PHACTR2: variants seen among roughly 807,000 people sequenced by gnomAD.
PHACTR2 encodes the protein chromosome 6 open reading frame 56.
In PHACTR2, 30 loss-of-function variants were observed where a neutral mutation model predicts 76.0. The ratio of observed to expected loss-of-function variants is 0.39; its 90% CI spans 0.30 to 0.54. The LOEUF (loss-of-function observed/expected upper bound fraction) is 0.54, where lower values mean the gene tolerates loss of function less well. Among genes scored for constraint, PHACTR2 ranks in the 20% least tolerant of loss-of-function variants. The pLI is 0.61. For missense variants in PHACTR2, 696 were observed against 781.1 expected, an observed-to-expected ratio of 0.89 and a Z score of 1.30; for synonymous variants, 292 against 292.5, an observed-to-expected ratio of 1.00 and a Z score of 0.02.
chr6:143,550,682 G>C lies in PHACTR2; in HGVS notation c.217+13475G>C, dbSNP rs183588324. Among the ~76,000 whole-genome samples the C allele has an allele frequency of 7.7e-4, 117 of 152,060 alleles. 1 individual carries two copies. Among genetic ancestry groups the C allele is most frequent in the African/African-American group, 2.2e-3 (93 of 41,506 alleles). The stretch of plus-strand genomic sequence containing the variant: ...AAAAACCTCTAGTGTCCAGTGTCTA[G>C]AGGACTGTACAATTAAGAGGCGGGA... On this transcript the variant is annotated intron_variant, in intron 1 of 11. Coordinates refer to the PHACTR2 transcript ENST00000367584. This position sits in a 1 kb window ranked among gnomAD's most constrained non-coding sequence, Gnocchi z 4.8.
chr6:143,774,619 A>G lies in PHACTR2; in HGVS notation c.1589+404A>G, dbSNP rs1169561714. On this transcript the variant is annotated intron_variant, in intron 8 of 12. Coordinates refer to ENST00000440869, the MANE Select transcript of PHACTR2 (RefSeq NM_001100164.2). The surrounding 1 kb of genome is among the most constrained non-coding windows in gnomAD (Gnocchi z 5.4). ...TCATAAAGCTGGATTTGGCCTGCAGATCACAGTTTGCTCAACAATCCTGGC... is the reference window on the plus strand; with the variant it reads ...TCATAAAGCTGGATTTGGCCTGCAGGTCACAGTTTGCTCAACAATCCTGGC... 1.3e-5 allele frequency among the ~76,000 whole-genome samples: 2 copies of G among 152,224 alleles called. No individual in the cohort carries two copies. Among genetic ancestry groups the G allele is most frequent in the Non-Finnish European group, 2.9e-5 (2 of 68,044 alleles).
rs9403534 is a variant in PHACTR2 at position 143,816,175 on chromosome 6, A to G, written c.1923-7499A>G. 0.23 allele frequency among the ~76,000 whole-genome samples: 34,494 copies of G among 152,120 alleles called. 4,634 individuals are homozygous for G. The highest frequency in any genetic ancestry group is 0.37 in the South Asian group (1,774 of 4,804). On this transcript the variant is annotated intron_variant, in intron 12 of 12. Transcript: ENST00000440869. The surrounding 1 kb of genome is among the most constrained non-coding windows in gnomAD (Gnocchi z 4.5). The stretch of plus-strand genomic sequence containing the variant: ...AGTATCCTTAGGGCACAGTAAATCT[A>G]TTTATTCCTCCACCAACTTGAAGCC...
intron 1 of PHACTR2, among the ~76,000 whole-genome samples, chr6:143,614,947 A>T (rs902611614): frequency 1.1e-4 from 16 of 152,234 alleles, no homozygotes; most frequent in Admixed American, 2.6e-4. Flanking sequence ...GTAAAAAGTC[A>T]ACTTCAAAGT....
rs1225437319 is a variant in PHACTR2 at position 143,821,178 on chromosome 6, G to C, written c.1923-2496G>C. Among the ~76,000 whole-genome samples the C allele has an allele frequency of 6.6e-6, 1 of 152,224 alleles. No individual in the cohort carries two copies. Among genetic ancestry groups the C allele is most frequent in the Non-Finnish European group, 1.5e-5 (1 of 68,034 alleles). ...ATGGCGGTCCTCACATCTGCCCAAG[G>C]TTACAGTCAGGGATAGACTAAGAAC... On this transcript the variant is annotated intron_variant, in intron 12 of 12. Coordinates refer to ENST00000440869, the MANE Select transcript of PHACTR2 (RefSeq NM_001100164.2). The surrounding 1 kb of genome is among the most constrained non-coding windows in gnomAD (Gnocchi z 5.2).
intron 1 of PHACTR2, among the ~76,000 whole-genome samples, chr6:143,669,991 GT>G (rs1777117851): frequency 6.6e-6 from 1 of 152,178 alleles, no homozygotes; most frequent in South Asian, 2.1e-4. Context: ...GCTGGTACCA[GT>G]TTTTCCTTTC....
intron 4 of PHACTR2, among the ~76,000 whole-genome samples, chr6:143,758,250 GC>G (rs1779351840): frequency 6.6e-6 from 1 of 152,116 alleles, no homozygotes; most frequent in Admixed American, 6.5e-5. Flanking sequence ...TCAGTGACAT[GC>G]TATTAAGGGA....
At chr6:143,747,316 C>T (rs1935497) in intron 2 of PHACTR2, among the ~76,000 whole-genome samples, 56,615 of 152,040 alleles carry the variant, frequency 0.37, 10,584 homozygotes, top group South Asian at 0.42. Context: ...AGAGACTAAG[C>T]GTTGCTATTC....
chr6:143,806,938 C>T lies in PHACTR2; in HGVS notation c.1846-119C>T. ...CGCCACTCCACTCCAGCTTGGATGACAGAGCGAGACTCTATCTCTTAAAAA... is the reference window on the plus strand; with the variant it reads ...CGCCACTCCACTCCAGCTTGGATGATAGAGCGAGACTCTATCTCTTAAAAA... On this transcript the variant is annotated intron_variant, in intron 11 of 12. Coordinates refer to ENST00000440869, the MANE Select transcript of PHACTR2 (RefSeq NM_001100164.2). The surrounding 1 kb of genome is among the most constrained non-coding windows in gnomAD (Gnocchi z 5.8). 1 of 538,966 alleles carries T rather than the reference C, an allele frequency of 1.9e-6. No homozygotes were observed. The highest frequency in any genetic ancestry group is 5.2e-4 in the Middle Eastern group (1 of 1,912). The allele number at this position is 538,966 out of a possible 1,614,324, so 33.4% of individuals were successfully genotyped here.
intron 1 of PHACTR2, among the ~76,000 whole-genome samples, chr6:143,586,593 T>C (rs1041270959): frequency 4.6e-5 from 7 of 152,338 alleles, no homozygotes; most frequent in Middle Eastern, 3.4e-3. Flanking sequence ...GGCTACCCAG[T>C]AGGCAAAGTG....
In PHACTR2 at chr6:143,795,137, G is replaced by A. The variant is rs1300162464; in HGVS notation, c.1845+6227G>A. On this transcript the variant is annotated intron_variant, in intron 11 of 12. Transcript: ENST00000440869. The surrounding 1 kb of genome is among the most constrained non-coding windows in gnomAD (Gnocchi z 4.8). Reference sequence around the variant, plus strand: ...CTTTAAAATAAAATTTTCAGGTCGGGGCACAATGACTCACACTTGTAATGT... The same window carrying A: ...CTTTAAAATAAAATTTTCAGGTCGGAGCACAATGACTCACACTTGTAATGT... Among the ~76,000 whole-genome samples, 1 of 152,078 alleles carries A rather than the reference G, an allele frequency of 6.6e-6. No individual in the cohort carries two copies. Among genetic ancestry groups the A allele is most frequent in the Non-Finnish European group, 1.5e-5 (1 of 68,018 alleles).
At chr6:143,716,949 G>T (rs1396590664) in intron 2 of PHACTR2, among the ~76,000 whole-genome samples, 2 of 152,112 alleles carry the variant, frequency 1.3e-5, no homozygotes, top group African/African-American at 2.4e-5. Flanking sequence ...ATATCCTCTT[G>T]GATAACCACC....
intron 2 of PHACTR2, 186 bp from the exon 3 acceptor site, chr6:143,748,799 C>CA: frequency 2.2e-6 from 1 of 445,456 alleles, no homozygotes; most frequent in Non-Finnish European, 3.9e-6. Flanking sequence ...TCATGGGCTG[C>CA]AGCCATTTGC....
chr6:143,703,733 A>G (rs1241071263), intron 1 of PHACTR2, among the ~76,000 whole-genome samples: 1 of 152,200 alleles, frequency 6.6e-6, no homozygotes, highest in African/African-American at 2.4e-5. Flanking sequence ...AGGAACCATC[A>G]GCTGATAAAA....
intron 1 of PHACTR2, among the ~76,000 whole-genome samples, chr6:143,704,770 G>A (rs1396885613): frequency 6.6e-6 from 1 of 152,062 alleles, no homozygotes; most frequent in Non-Finnish European, 1.5e-5. Context: ...GTCTCCTTAG[G>A]CTTCTCTGGT....
chr6:143,640,069 G>A (rs555033620), intron 1 of PHACTR2, among the ~76,000 whole-genome samples: 4 of 152,286 alleles, frequency 2.6e-5, no homozygotes, highest in African/African-American at 7.2e-5. Flanking sequence ...TGATGTCACA[G>A]TTGTTGTGCT....
At position 143,548,308 on chromosome 6, in the gene PHACTR2, C is replaced by A. The variant is rs893347978; in HGVS notation, c.217+11101C>A. ...CTCCCAAAGACTCCACCTCATAATA[C>A]CATCATGTTAGGGGATAGGGTTCTA... is the stretch of plus-strand genomic sequence containing the variant. On this transcript the variant is annotated intron_variant, in intron 1 of 11. Transcript: ENST00000367584. This position sits in a 1 kb window ranked among gnomAD's most constrained non-coding sequence, Gnocchi z 4.5. Among the ~76,000 whole-genome samples the A allele has an allele frequency of 1.3e-5, 2 of 149,902 alleles. No individual in the cohort carries two copies. Among genetic ancestry groups the A allele is most frequent in the Non-Finnish European group, 3.0e-5 (2 of 66,548 alleles).
intron 1 of PHACTR2, among the ~76,000 whole-genome samples, chr6:143,655,876 T>G (rs1776840871): frequency 6.6e-6 from 1 of 152,188 alleles, no homozygotes; most frequent in Non-Finnish European, 1.5e-5. Flanking sequence ...CAAATATAGT[T>G]TTCACTAAAG....
intron 1 of PHACTR2, among the ~76,000 whole-genome samples, chr6:143,640,823 T>A (rs1457455862): frequency 6.6e-6 from 1 of 152,150 alleles, no homozygotes; most frequent in Non-Finnish European, 1.5e-5. Context: ...AAAAAGACCT[T>A]TACAGGTGTA....
At chr6:143,752,505 A>G (rs6927083) in intron 3 of PHACTR2, among the ~76,000 whole-genome samples, 43,917 of 151,990 alleles carry the variant, frequency 0.29, 6,499 homozygotes, top group Middle Eastern at 0.39. Context: ...TTGTAATGGC[A>G]TTGCCTTCAA....
Sources: gnomAD v4.1 joint callset for allele counts (sites outside exome capture counted in the v4.1 genomes callset) on GRCh38, gnomAD v4.1.1 for gene constraint, Gnocchi (gnomAD v3.1) non-coding constraint, MANE v1.5 for transcripts, NCBI Gene and HGNC (gene_info 2026-07-23, HGNC 2026-07-21) for gene names.